Variants in MGAT5 observed in about 807,000 individuals in gnomAD.
The protein encoded by MGAT5 is alpha-1,6-mannosylglycoprotein 6-beta-N-acetylglucosaminyltransferase.
A neutral mutation model predicts 94.3 loss-of-function variants in MGAT5; 30 were observed. The ratio of observed to expected loss-of-function variants is 0.32; its 90% CI spans 0.24 to 0.43. The LOEUF (loss-of-function observed/expected upper bound fraction) is 0.43. Ranked by LOEUF, MGAT5 falls within the 20% of genes least tolerant of loss-of-function variation. The pLI is 1.00. For missense variants in MGAT5, 691 were observed against 905.5 expected (o/e 0.76, Z 3.04); for synonymous variants, 310 against 322.9 (o/e 0.96, Z 0.43).
intron 7 of MGAT5, among the ~76,000 whole-genome samples, chr2:134,344,282 A>C (rs1015394469): frequency 6.6e-6 from 1 of 152,190 alleles, no homozygotes; most frequent in Admixed American, 6.6e-5. Context: ...ATTAAAAAAA[A>C]CTGTAAACCA....
At position 134,254,762 on chromosome 2, in the gene MGAT5, G is replaced by A. The variant is rs1682827902; in HGVS notation, c.241+118G>A. ...ATGTCCTTTGCCACTGCCTTCATAA[G>A]CAGTGAATTGCACACAGAGAGGCAT... On this transcript the variant is annotated intron_variant, in intron 1 of 15. Transcript: ENST00000281923. The A allele has an allele frequency of 8.1e-6, 11 of 1,356,314 alleles. No homozygotes were observed. The East Asian group carries it at 1.8e-4, about 23-fold the overall frequency. The allele number at this position is 1,356,314 out of a possible 1,614,324, so 84.0% of individuals were successfully genotyped here. A position where few individuals can be genotyped will look rare whatever the true frequency, so the allele number is the denominator to read the frequency against.
chr2:134,407,456 CCTGT>C (rs1683406988), intron 11 of MGAT5, among the ~76,000 whole-genome samples: 1 of 152,130 alleles, frequency 6.6e-6, no homozygotes, highest in Non-Finnish European at 1.5e-5. Context: ...GAGTCAGTAA[CCTGT>C]CTGACTTTCA....
At chr2:134,422,734 T>C in intron 12 of MGAT5, 69 bp from the exon 13 acceptor site, 1 of 1,147,852 alleles carries the variant, frequency 8.7e-7, no homozygotes, top group Non-Finnish European at 1.3e-6. Flanking sequence ...ATAAAAAGCA[T>C]AGCACTCCAT....
chr2:134,170,920 G>A (rs1390558837), intron 1 of MGAT5, among the ~76,000 whole-genome samples: 4 of 150,514 alleles, frequency 2.7e-5, no homozygotes, highest in Non-Finnish European at 5.9e-5. Context: ...GTGCAATGGT[G>A]CAATTTCGGC....
chr2:134,260,285 T>C (rs900056081), intron 1 of MGAT5, among the ~76,000 whole-genome samples: 2 of 152,280 alleles, frequency 1.3e-5, no homozygotes, highest in South Asian at 4.1e-4. Context: ...AGGAAGGAAG[T>C]TTTTTCCTTA....
chr2:134,326,550 G>A (rs1687659888), intron 4 of MGAT5, among the ~76,000 whole-genome samples: 1 of 151,954 alleles, frequency 6.6e-6, no homozygotes. Context: ...TACCACCCCA[G>A]TTTCCTTAGA....
chr2:134,244,660 C>T (rs997743329), intron 1 of MGAT5, among the ~76,000 whole-genome samples: 1 of 152,206 alleles, frequency 6.6e-6, no homozygotes, highest in African/African-American at 2.4e-5. Flanking sequence ...GTCTGCTTCT[C>T]TCTCACTCTG....
intron 1 of MGAT5, among the ~76,000 whole-genome samples, chr2:134,178,994 T>G (rs768280919): frequency 3.9e-5 from 6 of 152,236 alleles, no homozygotes; most frequent in African/African-American, 7.2e-5. Flanking sequence ...TACTTATTTG[T>G]AACCCTGAAA....
intron 1 of MGAT5, among the ~76,000 whole-genome samples, chr2:134,235,670 C>T (rs949524191): frequency 8.6e-5 from 13 of 151,906 alleles, no homozygotes; most frequent in African/African-American, 3.1e-4. Flanking sequence ...TAAACTCTCC[C>T]CACCCCAGAT....
At chr2:134,186,094 G>A (rs758954070) in intron 1 of MGAT5, among the ~76,000 whole-genome samples, 2 of 152,264 alleles carry the variant, frequency 1.3e-5, no homozygotes, top group Non-Finnish European at 2.9e-5. Flanking sequence ...AAGAAAGCAA[G>A]AGAGAAGACT....
intron 1 of MGAT5, among the ~76,000 whole-genome samples, chr2:134,264,165 G>A (rs1305737415): frequency 6.6e-6 from 1 of 151,856 alleles, no homozygotes; most frequent in Non-Finnish European, 1.5e-5. Context: ...TGGGATTACA[G>A]GCATGTGCCA....
rs1681955702 is a variant in MGAT5, at chr2:134,386,106, T to TTTTTTTTA, written c.1381-16882_1381-16881insTTTTTTTA. Among the ~76,000 whole-genome samples, 3 of 152,338 alleles carry TTTTTTTTA rather than the reference T, an allele frequency of 2.0e-5. No individual in the cohort carries two copies. The South Asian group carries it at 6.2e-4, about 32-fold the overall frequency. Reference sequence around the variant, plus strand: ...AAAGGTGTCAGGGTAAAAATTTTGATGCAGAGTAAAATAATGTGTTATTTT... The same window carrying TTTTTTTTA: ...AAAGGTGTCAGGGTAAAAATTTTGATTTTTTTTAGCAGAGTAAAATAATGTGTTATTTT... On this transcript the variant is annotated intron_variant, in intron 10 of 15. Transcript: ENST00000281923.
At chr2:134,124,014 T>C (rs1685730041) in intron 1 of MGAT5, among the ~76,000 whole-genome samples, 1 of 152,244 alleles carries the variant, frequency 6.6e-6, no homozygotes, top group Non-Finnish European at 1.5e-5. Flanking sequence ...CATATCCCTA[T>C]ACTGTTTTAC....
In MGAT5 at chr2:134,441,486, A is replaced by C. The variant is rs149395979; in HGVS notation, c.1870-272A>C. On this transcript the variant is annotated intron_variant, in intron 14 of 15. Coordinates refer to ENST00000281923, the MANE Select transcript of MGAT5 (RefSeq NM_002410.5). ...GCAGGCGTGGTGCCAAGCTCATCAC[A>C]AGTATGACCTCTCATCCTGGAGCCC... Among the ~76,000 whole-genome samples, 174 of 152,032 alleles carry C rather than the reference A, an allele frequency of 1.1e-3. 1 individual carries two copies. The highest frequency in any genetic ancestry group is 2.0e-3 in the Non-Finnish European group (138 of 68,002).
At chr2:134,409,681 G>A (rs1683535273) in intron 11 of MGAT5, among the ~76,000 whole-genome samples, 1 of 152,174 alleles carries the variant, frequency 6.6e-6, no homozygotes, top group South Asian at 2.1e-4. Flanking sequence ...GAGTGAAACT[G>A]ACCAAGCCCA....
intron 1 of MGAT5, among the ~76,000 whole-genome samples, chr2:134,247,247 A>T (rs1682323888): frequency 1.3e-5 from 2 of 151,980 alleles, no homozygotes; most frequent in African/African-American, 4.8e-5. Context: ...TATGGGAGTC[A>T]GGCAAGCAGC....
chr2:134,165,941 G>A (rs1177476324), intron 1 of MGAT5, among the ~76,000 whole-genome samples: 1 of 152,080 alleles, frequency 6.6e-6, no homozygotes, highest in African/African-American at 2.4e-5. Context: ...TCTCCTGTAA[G>A]GTATGAAAAA....
chr2:134,173,474 T>A (rs1255127872), intron 1 of MGAT5, among the ~76,000 whole-genome samples: 1 of 152,214 alleles, frequency 6.6e-6, no homozygotes, highest in African/African-American at 2.4e-5. Flanking sequence ...TGTGCTGCGA[T>A]TCTCACGCCA....
upstream of MGAT5, among the ~76,000 whole-genome samples, chr2:134,249,537 G>C (rs1682469294): frequency 6.6e-6 from 1 of 152,024 alleles, no homozygotes; most frequent in South Asian, 2.1e-4. Flanking sequence ...TTTTTGCTTA[G>C]TATAATGTTC....
Sources: allele counts gnomAD v4.1 joint callset (sites outside exome capture counted in the v4.1 genomes callset), GRCh38; gene constraint gnomAD v4.1.1; transcripts MANE v1.5; gene names NCBI Gene and HGNC (gene_info 2026-07-23, HGNC 2026-07-21).